Variants in EIF2B2 observed in about 807,000 individuals in gnomAD.
EIF2B2 encodes the protein eukaryotic translation initiation factor 2B subunit beta, also known as translation initiation factor eIF2B subunit beta.
In EIF2B2, 34 loss-of-function variants were observed where a neutral mutation model predicts 34.7. The ratio of observed to expected loss-of-function variants is 0.98; its 90% CI spans 0.75 to 1.31. EIF2B2 has a LOEUF of 1.31. Ranked by LOEUF, EIF2B2 falls within the 50% of genes most tolerant of loss-of-function variation. EIF2B2 has a pLI of 0.00. For missense variants in EIF2B2, 361 were observed against 447.7 expected (o/e 0.81, Z 1.75); for synonymous variants, 155 against 171.6 (o/e 0.90, Z 0.76).
Position 75,011,067 on chromosome 14 carries a change from G to C in EIF2B2, c.*1879G>C, listed in dbSNP as rs1407687017. The C allele has an allele frequency of 1.3e-5, 2 of 152,172 alleles. No homozygotes were observed. Among genetic ancestry groups the C allele is most frequent in the South Asian group, 4.1e-4 (2 of 4,830 alleles). The allele number at this position is 152,172 out of a possible 1,614,324, so 9.4% of individuals were successfully genotyped here. A position where few individuals can be genotyped will look rare whatever the true frequency, so the allele number is the denominator to read the frequency against. ...CCACTAAAAATACAAAAATTAGCCA[G>C]GTGTGGTTGTGGGTACCTGTAGTCC... On this transcript the variant is annotated 3_prime_UTR_variant, in exon 8 of 8. Coordinates refer to ENST00000266126, the MANE Select transcript of EIF2B2 (RefSeq NM_014239.4).
Position 75,007,794 on chromosome 14 carries a change from G to A in EIF2B2, c.898+6G>A. On this transcript the variant is annotated splice_donor_region_variant and intron_variant, in intron 7 of 7. Transcript: ENST00000266126. ...AGTCCTGCCATTCACAGAAGGTACA[G>A]AAGCTGTGTGTGCATGCGTGCATGT... The A allele has an allele frequency of 6.2e-7, 1 of 1,613,516 alleles. No homozygotes were observed.
Position 75,003,002 on chromosome 14 carries a change from C to T in EIF2B2, c.12C>T (p.Ser4=), listed in dbSNP as rs764989690. 4 of 1,613,996 alleles carry T rather than the reference C, an allele frequency of 2.5e-6. No individual in the cohort carries two copies. In the African/African-American group the frequency reaches 4.0e-5, roughly 16 times the overall value. MPG[S]AAKGSELSER... ...CAGCTACCTTAAAGATGCCGGGATC[C>T]GCAGCGAAGGGCTCGGAGTTGTCAG... Residue 4 remains serine (S), a synonymous_variant, in exon 1 of 8, where the codon TCC becomes TCT. Transcript: ENST00000266126.
chr14:75,003,760 C>T lies in EIF2B2; in HGVS notation c.433+61C>T, dbSNP rs1266054690. 1.0e-5 allele frequency: 16 copies of T among 1,607,196 alleles called. No homozygotes were observed. The Admixed American group carries it at 2.2e-4, about 22-fold the overall frequency. On this transcript the variant is annotated intron_variant, in intron 3 of 7. Transcript: ENST00000266126. ...CACAGGCACATAAGGGAACAGAAGC[C>T]TCTGAAGGTTGTTCATTAGCAGAGA...
chr14:75,006,102 G>C lies in EIF2B2; in HGVS notation c.693+141G>C. The stretch of plus-strand genomic sequence containing the variant: ...GTACATACTTAGGCCTTTTTAATCT[G>C]TTAACTGAATTTCTTTTCCCTTTTT... On this transcript the variant is annotated intron_variant, in intron 5 of 7. Coordinates refer to ENST00000266126, the MANE Select transcript of EIF2B2 (RefSeq NM_014239.4). This position sits in a 1 kb window ranked among gnomAD's most constrained non-coding sequence, Gnocchi z 4.1. The C allele has an allele frequency of 2.7e-6, 2 of 746,258 alleles. No individual in the cohort carries two copies. The highest frequency in any genetic ancestry group is 4.7e-6 in the Non-Finnish European group (2 of 424,064). 46.2% of individuals were successfully genotyped at this position (746,258 alleles called of 1,614,324 possible).
At position 75,010,201 on chromosome 14, in the gene EIF2B2, T is replaced by G. The variant is rs922517494; in HGVS notation, c.*1013T>G. On this transcript the variant is annotated 3_prime_UTR_variant, in exon 8 of 8. Coordinates refer to ENST00000266126, the MANE Select transcript of EIF2B2 (RefSeq NM_014239.4). Reference sequence around the variant, plus strand: ...GTCCTACTGCATCTGATCTCAGGGTTACTACCTGGGAATCTGTTTAAAGCT... The same window carrying G: ...GTCCTACTGCATCTGATCTCAGGGTGACTACCTGGGAATCTGTTTAAAGCT... The G allele has an allele frequency of 1.6e-4, 25 of 152,232 alleles. No individual in the cohort carries two copies. Among genetic ancestry groups the G allele is most frequent in the African/African-American group, 6.0e-4 (25 of 41,452 alleles). 9.4% of individuals were successfully genotyped at this position (152,232 alleles called of 1,614,324 possible).
At chr14:75,008,903 A>G in intron 7 of EIF2B2, 128 bp from the exon 8 acceptor site, 1 of 1,253,972 alleles carries the variant, frequency 8.0e-7, no homozygotes, top group Non-Finnish European at 1.2e-6. Context: ...TCTGGTTTGC[A>G]TTTTTCCATA....
Position 75,009,370 on chromosome 14 carries a change from CTG to C in EIF2B2, c.*186_*187del, listed in dbSNP as rs1889673492. On this transcript the variant is annotated 3_prime_UTR_variant, in exon 8 of 8. Transcript: ENST00000266126. ...CCGTAACAAGGGCACACATCCAGGACTGTGTCTTGCCTTTCAGATCTTAACAG... is the reference window on the plus strand; with the variant it reads ...CCGTAACAAGGGCACACATCCAGGACTGTCTTGCCTTTCAGATCTTAACAG... 1 of 668,996 alleles carries C rather than the reference CTG, an allele frequency of 1.5e-6. No individual in the cohort carries two copies. Among genetic ancestry groups the C allele is most frequent in the Non-Finnish European group, 2.6e-6 (1 of 379,218 alleles). The allele number at this position is 668,996 out of a possible 1,614,324, so 41.4% of individuals were successfully genotyped here.
chr14:75,004,831 C>T lies in EIF2B2; in HGVS notation c.528C>T (p.Ala176=), dbSNP rs751422883. 18 of 1,612,316 alleles carry T rather than the reference C, an allele frequency of 1.1e-5. No individual in the cohort carries two copies. Among genetic ancestry groups the T allele is most frequent in the Admixed American group, 1.7e-5 (1 of 59,890 alleles). ...MTIGFSRTVE[A]FLKEAARKRK... is the part of the protein sequence containing the mutation. The stretch of plus-strand genomic sequence containing the variant: ...TTGGCTTCTCCCGAACAGTAGAGGC[C>T]TTCCTCAAAGAGGCTGCCCGAAAGA... The change falls in exon 4 of 8, where the codon GCC becomes GCT. Residue 176 remains alanine (A), a synonymous_variant. Coordinates refer to ENST00000266126, the MANE Select transcript of EIF2B2 (RefSeq NM_014239.4).
chr14:75,007,860 CT>C, intron 7 of EIF2B2, 72 bp downstream of exon 7: 1 of 1,488,002 alleles, frequency 6.7e-7, no homozygotes, highest in Non-Finnish European at 9.3e-7. Context: ...GTGTTTTGGT[CT>C]TTTTGTTGTT....
rs1427450113 is a variant in EIF2B2, at chr14:75,004,989, T to C, written c.597+89T>C. ...TGGGTAGGGCCATTCCAACCTTGAA[T>C]TGATAAGCAAGACTTTGAGACACTG... is the stretch of plus-strand genomic sequence containing the variant. On this transcript the variant is annotated intron_variant, in intron 4 of 7. Coordinates refer to ENST00000266126, the MANE Select transcript of EIF2B2 (RefSeq NM_014239.4). 11 of 1,380,356 alleles carry C rather than the reference T, an allele frequency of 8.0e-6. No individual in the cohort carries two copies. In the Admixed American group the frequency reaches 1.1e-4, roughly 13 times the overall value. 85.5% of individuals were successfully genotyped at this position (1,380,356 alleles called of 1,614,324 possible).
In EIF2B2 at chr14:75,006,488, T is replaced by C; in HGVS notation, c.694-89T>C. On this transcript the variant is annotated intron_variant, in intron 5 of 7. Coordinates refer to ENST00000266126, the MANE Select transcript of EIF2B2 (RefSeq NM_014239.4). The surrounding 1 kb of genome is among the most constrained non-coding windows in gnomAD (Gnocchi z 4.1). Reference sequence around the variant, plus strand: ...CTGTGACCCCTCACGATACCAATTCTGAGGTCTAAGCATTTAGCTTTTTGT... The same window carrying C: ...CTGTGACCCCTCACGATACCAATTCCGAGGTCTAAGCATTTAGCTTTTTGT... 6.3e-7 allele frequency: 1 copy of C among 1,587,194 alleles called. No homozygotes were observed. Among genetic ancestry groups the C allele is most frequent in the Non-Finnish European group, 8.6e-7 (1 of 1,167,314 alleles).
chr14:75,004,666 CATAT>C lies in EIF2B2; in HGVS notation c.434-50_434-47del, dbSNP rs1230382829. 4.5e-3 allele frequency: 819 copies of C among 183,934 alleles called. 10 individuals carry two copies. The highest frequency in any genetic ancestry group is 1.0e-2 in the South Asian group (40 of 4,020). The allele number at this position is 183,934 out of a possible 1,614,324, so 11.4% of individuals were successfully genotyped here. A position where few individuals can be genotyped will look rare whatever the true frequency, so the allele number is the denominator to read the frequency against. The stretch of plus-strand genomic sequence containing the variant: ...ATGTGTGTTTGTGATATAGCAATTT[CATAT>C]ATATATATATATATATATATTTTTT... On this transcript the variant is annotated intron_variant, in intron 3 of 7. Transcript: ENST00000266126.
intron 3 of EIF2B2, among the ~76,000 whole-genome samples, chr14:75,003,911 T>TAC (rs1455698007): frequency 6.6e-6 from 1 of 152,210 alleles, no homozygotes; most frequent in East Asian, 1.9e-4. Flanking sequence ...CTTGATAGAC[T>TAC]ACAGATCTGT....
intron 3 of EIF2B2, 90 bp from the exon 4 acceptor site, chr14:75,004,647 G>C: frequency 2.2e-6 from 1 of 445,660 alleles, no homozygotes; most frequent in Non-Finnish European, 3.0e-6. Flanking sequence ...CGTAATGTGT[G>C]TTTGTGATAT....
At chr14:75,007,182 G>T (rs1237025719) in intron 6 of EIF2B2, 2 of 428,770 alleles carry the variant, frequency 4.7e-6, no homozygotes, top group Non-Finnish European at 9.3e-6. Flanking sequence ...TTAAATTGAG[G>T]TGAAATTCAC....
chr14:75,008,077 G>A, intron 7 of EIF2B2: 1 of 364,356 alleles, frequency 2.7e-6, no homozygotes, highest in Non-Finnish European at 5.1e-6. Context: ...CATGCTGTTT[G>A]AGATATAGAC....
chr14:75,009,306 A>AAAAAATC lies in EIF2B2; in HGVS notation c.*119_*125dup. ...GGAGTGCACAGGAGTCCACCTAAAA[A>AAAAAATC]AAAAATCCTTGATACTGTTGCCTGC... On this transcript the variant is annotated 3_prime_UTR_variant, in exon 8 of 8. Transcript: ENST00000266126. 7.6e-7 allele frequency: 1 copy of AAAAAATC among 1,316,274 alleles called. No homozygotes were observed. Among genetic ancestry groups the AAAAAATC allele is most frequent in the Admixed American group, 1.7e-5 (1 of 58,906 alleles). 81.5% of individuals were successfully genotyped at this position (1,316,274 alleles called of 1,614,324 possible). A position where few individuals can be genotyped will look rare whatever the true frequency, so the allele number is the denominator to read the frequency against.
rs80223558 is a variant in EIF2B2 at position 75,004,056 on chromosome 14, C to T, written c.433+357C>T. 6.4e-3 allele frequency among the ~76,000 whole-genome samples: 973 copies of T among 152,354 alleles called. 11 individuals are homozygous for T. The highest frequency in any genetic ancestry group is 0.023 in the African/African-American group (942 of 41,580). On this transcript the variant is annotated intron_variant, in intron 3 of 7. Transcript: ENST00000266126. ...ATACACACGTACACGTATACCATTT[C>T]TATCCCCCTTGTCATTGCGGTCCAA...
At chr14:75,003,811 TCA>T in intron 3 of EIF2B2, 112 bp downstream of exon 3, 1 of 1,489,492 alleles carries the variant, frequency 6.7e-7, no homozygotes, top group African/African-American at 1.4e-5. Context: ...CTTCTGGTTC[TCA>T]GAGGTTTGTC....
Sources: gnomAD v4.1 joint callset for allele counts (sites outside exome capture counted in the v4.1 genomes callset) on GRCh38, gnomAD v4.1.1 for gene constraint, Gnocchi (gnomAD v3.1) non-coding constraint, MANE v1.5 for transcripts, NCBI Gene and HGNC (gene_info 2026-07-23, HGNC 2026-07-21) for gene names.